The following TTC3 variants were observed in gnomAD, a reference collection of about 807,000 sequenced individuals.
The protein encoded by TTC3 is E3 ubiquitin-protein ligase TTC3.
Under a neutral mutation model 249.6 loss-of-function variants are expected in TTC3, and 180 were observed. The ratio of observed to expected loss-of-function variants is 0.72; its 90% CI spans 0.64 to 0.82. The LOEUF (loss-of-function observed/expected upper bound fraction) is 0.82. Among genes scored for constraint, TTC3 ranks in the 40% least tolerant of loss-of-function variants. The probability of loss-of-function intolerance (pLI) is 0.00; values close to 1 mark genes in which losing one functional copy is unlikely to be tolerated. For synonymous variants in TTC3, 717 were observed against 805.0 expected (o/e 0.89, Z 1.85); for missense variants, 2,061 against 2,398.4 (o/e 0.86, Z 2.94).
intron 19 of TTC3, 60 bp downstream of exon 19, chr21:37,138,774 T>C: frequency 8.1e-7 from 1 of 1,233,444 alleles, no homozygotes. Context: ...CTTATAAAAA[T>C]TATTTTCTCA....
chr21:37,156,829 T>C, exon 28 of TTC3: 1 of 1,614,114 alleles, frequency 6.2e-7, no homozygotes, highest in Non-Finnish European at 8.5e-7. Context: ...GCCCGTTGTT[T>C]AATATGGCTG....
intron 26 of TTC3, 111 bp downstream of exon 26, chr21:37,152,140 C>A: frequency 8.1e-7 from 1 of 1,229,576 alleles, no homozygotes; most frequent in Non-Finnish European, 1.1e-6. Flanking sequence ...ATAAAGATTT[C>A]ACTTAGTAAT....
intron 9 of TTC3, 39 bp from the exon 10 acceptor site, chr21:37,096,542 G>T: frequency 6.8e-7 from 1 of 1,462,132 alleles, no homozygotes; most frequent in Non-Finnish European, 9.5e-7. Context: ...TGTTTCATGT[G>T]TAATGTGCTT....
At chr21:37,155,538 T>C (rs2079972832) in intron 27 of TTC3, among the ~76,000 whole-genome samples, 1 of 152,220 alleles carries the variant, frequency 6.6e-6, no homozygotes, top group Admixed American at 6.5e-5. Context: ...CTCTGCAAGC[T>C]AACTCTTTAA....
chr21:37,191,124 T>A (rs2084033977), intron 39 of TTC3, among the ~76,000 whole-genome samples: 1 of 152,158 alleles, frequency 6.6e-6, no homozygotes, highest in African/African-American at 2.4e-5. Flanking sequence ...CCCTTCGGTT[T>A]TAGAGTTTTT....
intron 12 of TTC3, among the ~76,000 whole-genome samples, chr21:37,122,574 C>T (rs2076709453): frequency 6.6e-6 from 1 of 151,620 alleles, no homozygotes; most frequent in Non-Finnish European, 1.5e-5. Context: ...GTCCCTTAGT[C>T]TACATTTTTA....
Position 37,198,028 on chromosome 21 carries a change from A to G in TTC3, c.5850+3A>G, listed in dbSNP as rs139340860. The G allele has an allele frequency of 6.2e-3, 9,969 of 1,597,426 alleles. 55 individuals are homozygous for G. Among genetic ancestry groups the G allele is most frequent in the Non-Finnish European group, 7.6e-3 (8,896 of 1,174,204 alleles). On this transcript the variant is annotated splice_donor_region_variant and intron_variant, in intron 44 of 45. Coordinates refer to ENST00000355666, the Ensembl canonical transcript of TTC3. ...CAGAAGATGTCCCTGTGAGGATTGT[A>G]TGTATAACTGTATAGTTTTGTTTTT... is the stretch of plus-strand genomic sequence containing the variant.
chr21:37,081,008 A>T (rs1213824784), intron 1 of TTC3, among the ~76,000 whole-genome samples: 1 of 146,566 alleles, frequency 6.8e-6, no homozygotes, highest in Non-Finnish European at 1.5e-5. Flanking sequence ...GATCATTTTG[A>T]TGGATGTACA....
At chr21:37,084,666 C>T (rs1368102018) in intron 1 of TTC3, among the ~76,000 whole-genome samples, 5 of 152,192 alleles carry the variant, frequency 3.3e-5, no homozygotes, top group Non-Finnish European at 7.3e-5. Context: ...AGTCCCTGTT[C>T]TTAACCACTT....
chr21:37,167,690 C>G (rs1220711941), intron 34 of TTC3, 70 bp downstream of exon 34: 49 of 1,237,572 alleles, frequency 4.0e-5, no homozygotes, highest in Non-Finnish European at 4.9e-5. Context: ...GAATGATGAA[C>G]TAGAACTATT....
intron 28 of TTC3, among the ~76,000 whole-genome samples, chr21:37,157,712 G>C (rs2080243903): frequency 6.6e-6 from 1 of 152,148 alleles, no homozygotes; most frequent in Non-Finnish European, 1.5e-5. Context: ...TAATGGCATG[G>C]AGTCCAGCTT....
chr21:37,127,914 C>T (rs1488883105), intron 15 of TTC3, among the ~76,000 whole-genome samples: 2 of 152,204 alleles, frequency 1.3e-5, no homozygotes, highest in Non-Finnish European at 2.9e-5. Flanking sequence ...GCATATAAAA[C>T]ATCTTTGAGG....
chr21:37,159,822 T>A (rs2080523186), intron 29 of TTC3, 77 bp downstream of exon 29: 2 of 1,384,354 alleles, frequency 1.4e-6, no homozygotes, highest in Non-Finnish European at 1.0e-6. Flanking sequence ...CCCAGGCCAG[T>A]GTTTATTGAC....
chr21:37,166,271 G>T (rs1230991404), exon 33 of TTC3: 1 of 1,614,120 alleles, frequency 6.2e-7, no homozygotes, highest in Non-Finnish European at 8.5e-7. Context: ...TACACCCTTG[G>T]CCAGCCTTTC....
chr21:37,095,354 G>A, exon 9 of TTC3: 1 of 1,600,682 alleles, frequency 6.2e-7, no homozygotes, highest in South Asian at 1.1e-5. Context: ...TCTCAGGAAG[G>A]AGAACTAATG....
At chr21:37,195,055 G>A (rs1340096439) in intron 41 of TTC3, 1 of 152,482 alleles carries the variant, frequency 6.6e-6, no homozygotes, top group Non-Finnish European at 1.5e-5. Flanking sequence ...ACTAGGGGAA[G>A]AGCAGGACTG....
intron 31 of TTC3, among the ~76,000 whole-genome samples, chr21:37,163,721 T>C (rs1365863046): frequency 6.6e-6 from 1 of 152,242 alleles, no homozygotes; most frequent in Non-Finnish European, 1.5e-5. Flanking sequence ...GCAGTTATAA[T>C]ACAATCTTCA....
At chr21:37,199,594 T>G (rs1343722917) in intron 44 of TTC3, among the ~76,000 whole-genome samples, 1 of 152,226 alleles carries the variant, frequency 6.6e-6, no homozygotes, top group Non-Finnish European at 1.5e-5. Context: ...TGTTTTGTTT[T>G]GATTTGCACA....
At chr21:37,099,178 TTTAAA>T (rs1252748784) in intron 10 of TTC3, 9 of 152,108 alleles carry the variant, frequency 5.9e-5, no homozygotes, top group Non-Finnish European at 1.2e-4. Flanking sequence ...AAGTTGAAAC[TTTAAA>T]TGAAAAAGAG....
Sources: allele counts gnomAD v4.1 joint callset (sites outside exome capture counted in the v4.1 genomes callset), GRCh38; gene constraint gnomAD v4.1.1; transcripts MANE v1.5; gene names NCBI Gene and HGNC (gene_info 2026-07-23, HGNC 2026-07-21).